Variants in XK observed in about 807,000 individuals in gnomAD.
XK encodes the protein endoplasmic reticulum membrane adapter protein XK.
A neutral mutation model predicts 14.0 loss-of-function variants in XK; 2 were observed. That is an observed-to-expected ratio of 0.14 (90% CI 0.06 to 0.45). The LOEUF (loss-of-function observed/expected upper bound fraction) is 0.45. XK is among the 20% of genes least tolerant of loss of function. XK has a pLI of 0.98. For synonymous variants in XK, 149 were observed against 147.5 expected, an observed-to-expected ratio of 1.01 and a Z score of -0.08; for missense variants, 235 against 341.5, an observed-to-expected ratio of 0.69 and a Z score of 2.46.
At chrX:37,701,203 G>A (rs28940603) in intron 2 of XK, among the ~76,000 whole-genome samples, 3 of 112,079 alleles carry the variant, frequency 2.7e-5, no homozygotes, top group East Asian at 5.6e-4. Context: ...ATTATCAATC[G>A]CATTCCCAGA....
At chrX:37,706,541 A>C (rs1927528881) in intron 2 of XK, among the ~76,000 whole-genome samples, 1 of 111,024 alleles carries the variant, frequency 9.0e-6, no homozygotes, top group Non-Finnish European at 1.9e-5. Flanking sequence ...TTGCAGATAA[A>C]GAGATTGAGG....
intron 2 of XK, among the ~76,000 whole-genome samples, chrX:37,695,314 T>G (rs1368398432): frequency 8.9e-6 from 1 of 112,177 alleles, no homozygotes; most frequent in Non-Finnish European, 1.9e-5. Context: ...TGGTGAATAA[T>G]GGAACAAGGC....
chrX:37,715,196 T>C (rs1927745210), intron 2 of XK, among the ~76,000 whole-genome samples: 1 of 110,489 alleles, frequency 9.1e-6, no homozygotes, highest in African/African-American at 3.3e-5. Context: ...ACATGACATA[T>C]TTGCTTTAGA....
chrX:37,697,591 G>T (rs1187883378), intron 2 of XK, among the ~76,000 whole-genome samples: 3 of 112,209 alleles, frequency 2.7e-5, no homozygotes, highest in African/African-American at 9.7e-5. Flanking sequence ...TTTGGCATTA[G>T]CAGAGTTTGC....
Position 37,685,930 on chromosome X carries a change from C to A in XK, c.-32C>A. 8.4e-7 allele frequency: 1 copy of A among 1,194,205 alleles called. No homozygotes were observed. On this transcript the variant is annotated 5_prime_UTR_variant, in exon 1 of 3. Coordinates refer to ENST00000378616, the MANE Select transcript of XK (RefSeq NM_021083.4). ...AGCCACACAGCCGCCGCCACTGCGT[C>A]CGTCCCCGGTGAGCGCCGCTGACGC...
chrX:37,707,393 C>T (rs1927555585), intron 2 of XK, among the ~76,000 whole-genome samples: 1 of 108,537 alleles, frequency 9.2e-6, no homozygotes, highest in African/African-American at 3.4e-5. Flanking sequence ...GGTGGAGGGG[C>T]TCCTCACTTC....
intron 2 of XK, among the ~76,000 whole-genome samples, chrX:37,719,098 C>T (rs1927820810): frequency 9.0e-6 from 1 of 111,025 alleles, no homozygotes; most frequent in Non-Finnish European, 1.9e-5. Flanking sequence ...TTTCTTTTCC[C>T]TTCATCTTTG....
In XK at chrX:37,731,204, C is replaced by G; in HGVS notation, c.*2742C>G. The G allele has an allele frequency of 8.9e-6, 1 of 112,602 alleles. No homozygotes were observed. The highest frequency in any genetic ancestry group is 3.2e-5 in the African/African-American group (1 of 31,043). The allele number at this position is 112,602 out of a possible 1,213,427, so 9.3% of individuals were successfully genotyped here. ...AAAATGTGTTTTTCAGTTATAATTT[C>G]AATTTTTAAATTTCTTGGTGCTTTG... is the stretch of plus-strand genomic sequence containing the variant. On this transcript the variant is annotated 3_prime_UTR_variant, in exon 3 of 3. Transcript: ENST00000378616.
chrX:37,685,882 C>G lies in XK; in HGVS notation c.-80C>G. The G allele has an allele frequency of 9.1e-7, 1 of 1,104,817 alleles. No homozygotes were observed. The highest frequency in any genetic ancestry group is 1.2e-6 in the Non-Finnish European group (1 of 827,243). The allele number at this position is 1,104,817 out of a possible 1,213,427, so 91.0% of individuals were successfully genotyped here. On this transcript the variant is annotated 5_prime_UTR_variant, in exon 1 of 3. Coordinates refer to ENST00000378616, the MANE Select transcript of XK (RefSeq NM_021083.4). ...GGGGCTGGGCATGCTGGGAGCCCCT[C>G]GGGCAACGGCCGCCGCCGCCACAGC...
rs188051871 is a variant in XK at position 37,703,557 on chromosome X, C to T, written c.508+9009C>T. Among the ~76,000 whole-genome samples, 49 of 111,926 alleles carry T rather than the reference C, an allele frequency of 4.4e-4. No homozygotes were observed. In the East Asian group the frequency reaches 0.013, roughly 29 times the overall value. ...ACTTATGACTGTGCTCTTTTCCTAACAAAATAGTTCTATGGAAAATGGGTA... is the reference window on the plus strand; with the variant it reads ...ACTTATGACTGTGCTCTTTTCCTAATAAAATAGTTCTATGGAAAATGGGTA... On this transcript the variant is annotated intron_variant, in intron 2 of 2. Coordinates refer to ENST00000378616, the MANE Select transcript of XK (RefSeq NM_021083.4).
intron 1 of XK, among the ~76,000 whole-genome samples, chrX:37,693,804 ACAC>A (rs1397537162): frequency 1.8e-5 from 2 of 111,957 alleles, no homozygotes; most frequent in African/African-American, 6.5e-5. Context: ...TGTGGAACAC[ACAC>A]ACGTGTGTGC....
At position 37,701,984 on chromosome X, in the gene XK, C is replaced by A. The variant is rs2281540; in HGVS notation, c.508+7436C>A. On this transcript the variant is annotated intron_variant, in intron 2 of 2. Coordinates refer to ENST00000378616, the MANE Select transcript of XK (RefSeq NM_021083.4). ...GTCTAAGCAGAAGGACCCAGCTTGG[C>A]CTTTGGCTAATTCACAGGAGTGTCC... Among the ~76,000 whole-genome samples the A allele has an allele frequency of 3.6e-5, 4 of 111,415 alleles. No homozygotes were observed. In the Middle Eastern group the frequency reaches 0.018, roughly 513 times the overall value.
intron 2 of XK, among the ~76,000 whole-genome samples, chrX:37,705,739 T>TTTTC (rs1172807794): frequency 2.0e-4 from 22 of 109,831 alleles, no homozygotes; most frequent in Admixed American, 5.9e-4. Flanking sequence ...TTCTTTTTCT[T>TTTTC]TTTCTTTCTT....
At chrX:37,722,062 A>T (rs782693180) in intron 2 of XK, among the ~76,000 whole-genome samples, 1 of 111,718 alleles carries the variant, frequency 9.0e-6, no homozygotes, top group African/African-American at 3.2e-5. Context: ...TGATAGCTAA[A>T]GTATATGGGG....
intron 1 of XK, among the ~76,000 whole-genome samples, chrX:37,693,201 G>A (rs982763068): frequency 3.6e-5 from 4 of 112,003 alleles, no homozygotes; most frequent in African/African-American, 1.3e-4. Flanking sequence ...CAATGAAATA[G>A]ATTAAGCCAT....
At chrX:37,703,330 T>C (rs1422382345) in intron 2 of XK, among the ~76,000 whole-genome samples, 5 of 111,734 alleles carry the variant, frequency 4.5e-5, no homozygotes, top group Non-Finnish European at 9.4e-5. Flanking sequence ...CAGTGGGGCA[T>C]GTTAGATGCG....
Position 37,694,453 on chromosome X carries a change from G to A in XK, c.413G>A (p.Arg138Gln), listed in dbSNP as rs1308265260. The A allele has an allele frequency of 3.4e-6, 4 of 1,191,615 alleles. No homozygotes were observed. Among genetic ancestry groups the A allele is most frequent in the Non-Finnish European group, 3.4e-6 (3 of 884,001 alleles). The stretch of plus-strand genomic sequence containing the variant: ...ATCACCCACCGATCAGCGTTCAGCC[G>A]GGCGTCGGTGATCCAGGCTTTCTTG... The part of the protein sequence containing the change: ...KLITHRSAFS[R>Q]ASVIQAFLGS... The change falls in exon 2 of 3, where the codon CGG becomes CAG. Residue 138 changes from arginine to glutamine, a missense_variant. Arg to Gln is a conservative substitution (Grantham distance 43). Coordinates refer to ENST00000378616, the MANE Select transcript of XK (RefSeq NM_021083.4).
chrX:37,686,465 C>G (rs963987537), intron 1 of XK, among the ~76,000 whole-genome samples: 1 of 112,083 alleles, frequency 8.9e-6, no homozygotes, highest in Admixed American at 9.4e-5. Context: ...CTGAAATTGA[C>G]CAACAAAAAT....
chrX:37,714,218 G>A (rs1209251000), intron 2 of XK, among the ~76,000 whole-genome samples: 1 of 111,548 alleles, frequency 9.0e-6, no homozygotes, highest in Non-Finnish European at 1.9e-5. Flanking sequence ...GTCCCTGAAA[G>A]GTATTCCACC....
Sources: gnomAD v4.1 joint callset for allele counts (sites outside exome capture counted in the v4.1 genomes callset) on GRCh38, gnomAD v4.1.1 for gene constraint, MANE v1.5 for transcripts, NCBI Gene and HGNC (gene_info 2026-07-23, HGNC 2026-07-21) for gene names.